Variants in LRRC53 observed in about 807,000 individuals in gnomAD.
The protein encoded by LRRC53 is leucine rich repeat containing 53.
Under a neutral mutation model 13.6 loss-of-function variants are expected in LRRC53, and 25 were observed. That is an observed-to-expected ratio of 1.83 (90% CI 1.34 to 2.56). The LOEUF (loss-of-function observed/expected upper bound fraction) is 2.56, where lower values mean the gene tolerates loss of function less well. Among genes scored for constraint, LRRC53 ranks in the 30% most tolerant of loss-of-function variants. LRRC53 has a pLI of 0.00. For missense variants in LRRC53, 527 were observed against 275.8 expected, an observed-to-expected ratio of 1.91 and a Z score of -6.45; for synonymous variants, 204 against 109.8, an observed-to-expected ratio of 1.86 and a Z score of -5.37.
At chr1:74,487,295 C>G (rs76668425) in intron 1 of LRRC53, among the ~76,000 whole-genome samples, 1 of 152,082 alleles carries the variant, frequency 6.6e-6, no homozygotes, top group East Asian at 1.9e-4. Context: ...TCCACAGAAA[C>G]AAAAGTGAGG....
At chr1:74,498,225 A>G (rs1669433536) in intron 1 of LRRC53, among the ~76,000 whole-genome samples, 1 of 152,222 alleles carries the variant, frequency 6.6e-6, no homozygotes, top group Non-Finnish European at 1.5e-5. Flanking sequence ...CTATCACTGT[A>G]TCTTAACAGT....
intron 1 of LRRC53, among the ~76,000 whole-genome samples, chr1:74,511,976 G>A (rs1415637241): frequency 2.6e-5 from 4 of 152,172 alleles, no homozygotes; most frequent in Non-Finnish European, 5.9e-5. Context: ...AGAACATGGA[G>A]TCAAGTAAGT....
At chr1:74,489,900 G>C (rs749636711) in intron 1 of LRRC53, among the ~76,000 whole-genome samples, 6 of 151,946 alleles carry the variant, frequency 3.9e-5, no homozygotes, top group Non-Finnish European at 8.8e-5. Flanking sequence ...AAGTGTTACT[G>C]GTGGAGGAAG....
chr1:74,527,299 C>G, the LRRC53 span, among the ~76,000 whole-genome samples: 1 of 152,106 alleles, frequency 6.6e-6, no homozygotes. Flanking sequence ...TCAGAGTAAA[C>G]AGACAAAGAT....
chr1:74,500,027 G>A (rs901532815), intron 1 of LRRC53, among the ~76,000 whole-genome samples: 12 of 150,936 alleles, frequency 8.0e-5, no homozygotes, highest in Non-Finnish European at 1.5e-4. Flanking sequence ...CTATTCTTTG[G>A]TGAGTACCCC....
intron 3 of LRRC53, among the ~76,000 whole-genome samples, chr1:74,478,291 C>T (rs1235402503): frequency 6.6e-6 from 1 of 152,070 alleles, no homozygotes; most frequent in East Asian, 1.9e-4. Context: ...ATAATTCACA[C>T]CAAAACTTAA....
chr1:74,535,341 C>T, the LRRC53 span, among the ~76,000 whole-genome samples: 1 of 152,052 alleles, frequency 6.6e-6, no homozygotes, highest in Non-Finnish European at 1.5e-5. Flanking sequence ...CATGGTGGCA[C>T]ATGCCTGTAA....
At chr1:74,478,507 A>G (rs1403655129) in intron 3 of LRRC53, among the ~76,000 whole-genome samples, 2 of 152,214 alleles carry the variant, frequency 1.3e-5, no homozygotes, top group South Asian at 4.1e-4. Context: ...AAATTGCTCT[A>G]TTATAATATT....
chr1:74,510,367 G>A (rs926169196), intron 1 of LRRC53, among the ~76,000 whole-genome samples: 1 of 152,064 alleles, frequency 6.6e-6, no homozygotes, highest in Non-Finnish European at 1.5e-5. Flanking sequence ...TATTAGCCGG[G>A]CATGGTGCCT....
chr1:74,490,493 A>ATAGG (rs1359061175), intron 1 of LRRC53, among the ~76,000 whole-genome samples: 1 of 152,226 alleles, frequency 6.6e-6, no homozygotes, highest in East Asian at 1.9e-4. Flanking sequence ...TACAAACATG[A>ATAGG]TAGGATCTAC....
intron 3 of LRRC53, among the ~76,000 whole-genome samples, chr1:74,476,190 C>G (rs1196328638): frequency 3.3e-5 from 5 of 152,150 alleles, no homozygotes; most frequent in Non-Finnish European, 7.3e-5. Flanking sequence ...TAATCTCAGA[C>G]TGCCTGGTAC....
Position 74,483,373 on chromosome 1 carries a change from C to A in LRRC53, c.-24G>T, listed in dbSNP as rs1263248520. ...ATGATGGCAAAGAGTACCAGCCATC[C>A]ACCTGAAAGGAAAGTAGAGGGCAAT... On this transcript the variant is annotated splice_region_variant and 5_prime_UTR_variant, in exon 2 of 5. Transcript: ENST00000294635. The A allele has an allele frequency of 2.8e-6, 2 of 717,116 alleles. No homozygotes were observed. The highest frequency in any genetic ancestry group is 2.3e-4 in the Middle Eastern group (1 of 4,368). 44.4% of individuals were successfully genotyped at this position (717,116 alleles called of 1,614,324 possible). A position where few individuals can be genotyped will look rare whatever the true frequency, so the allele number is the denominator to read the frequency against.
the LRRC53 span, among the ~76,000 whole-genome samples, chr1:74,517,767 G>C: frequency 6.6e-6 from 1 of 152,136 alleles, no homozygotes; most frequent in Non-Finnish European, 1.5e-5. Flanking sequence ...CAATCACAAA[G>C]CCAGTGGCTC....
intron 2 of LRRC53, 148 bp downstream of exon 2, chr1:74,483,114 C>A (rs914219306): frequency 4.3e-6 from 2 of 463,784 alleles, no homozygotes; most frequent in African/African-American, 2.0e-5. Context: ...TAAAATATTG[C>A]CAGTCTCTTT....
Position 74,471,634 on chromosome 1 carries a change from C to A in LRRC53, c.1988G>T (p.Arg663Leu). 2.5e-6 allele frequency: 1 copy of A among 400,574 alleles called. No homozygotes were observed. Among genetic ancestry groups the A allele is most frequent in the South Asian group, 1.3e-4 (1 of 7,914 alleles). 24.8% of individuals were successfully genotyped at this position (400,574 alleles called of 1,614,324 possible). A position where few individuals can be genotyped will look rare whatever the true frequency, so the allele number is the denominator to read the frequency against. Residue 663 changes from arginine (R) to leucine (L), a missense_variant, in exon 5 of 5, where the codon CGA becomes CTA. Arg to Leu is a moderately radical substitution (Grantham distance 102). Coordinates refer to ENST00000294635, the MANE Select transcript of LRRC53 (RefSeq NM_001382280.1). Reference protein sequence around the residue: ...MSPKISTPWKRQKNQSNQLTK... With the variant: ...MSPKISTPWKLQKNQSNQLTK... ...CAGTTGGTTACTTTGATTTTTCTGT[C>A]GTTTCCAAGGGGTTGATATTTTGGG...
At chr1:74,498,258 T>A (rs904954133) in intron 1 of LRRC53, among the ~76,000 whole-genome samples, 3 of 152,290 alleles carry the variant, frequency 2.0e-5, no homozygotes, top group Non-Finnish European at 4.4e-5. Context: ...GACATCCCCC[T>A]TATCTTGTCA....
intron 1 of LRRC53, among the ~76,000 whole-genome samples, chr1:74,503,631 C>T (rs1327635956): frequency 6.6e-6 from 1 of 152,096 alleles, no homozygotes; most frequent in Non-Finnish European, 1.5e-5. Flanking sequence ...ATTTTTATGA[C>T]ATGCACTTCC....
At position 74,480,701 on chromosome 1, in the gene LRRC53, A is replaced by G; in HGVS notation, c.356T>C (p.Leu119Pro). Residue 119 changes from leucine (L) to proline (P), a missense_variant, in exon 3 of 5, where the codon CTC becomes CCC. Physicochemically the swap from Leu to Pro is moderately conservative, Grantham distance 98. Coordinates refer to ENST00000294635, the MANE Select transcript of LRRC53 (RefSeq NM_001382280.1). Reference protein sequence around the residue: ...LQVLVLSNNALRTLRGSWFRN... With the variant: ...LQVLVLSNNAPRTLRGSWFRN... ...GAACCAAGACCCTCGTAGGGTGCGG[A>G]GAGCATTATTGCTCAGCACCAGTAC... 1 of 717,420 alleles carries G rather than the reference A, an allele frequency of 1.4e-6. No individual in the cohort carries two copies. Among genetic ancestry groups the G allele is most frequent in the Non-Finnish European group, 2.6e-6 (1 of 385,096 alleles). The allele number at this position is 717,420 out of a possible 1,614,324, so 44.4% of individuals were successfully genotyped here.
Position 74,472,054 on chromosome 1 carries a change from T to A in LRRC53, c.1568A>T (p.His523Leu), listed in dbSNP as rs770407500. The A allele has an allele frequency of 7.0e-6, 5 of 712,454 alleles. No homozygotes were observed. The East Asian group carries it at 8.1e-5, about 11-fold the overall frequency. The allele number at this position is 712,454 out of a possible 1,614,324, so 44.1% of individuals were successfully genotyped here. Residue 523 changes from histidine to leucine, a missense_variant, in exon 5 of 5, where the codon CAT becomes CTT. His to Leu is a moderately conservative substitution (Grantham distance 99, BLOSUM62 -3). Coordinates refer to ENST00000294635, the MANE Select transcript of LRRC53 (RefSeq NM_001382280.1). ...CTTGGATGATGAGCTTGTAATAAAA[T>A]GTCTTTGCCTATGAGGGTGTAAGCC... is the stretch of plus-strand genomic sequence containing the variant. The part of the protein sequence containing the change: ...DNGLHPHRQR[H>L]FITSSSSKPC...
Sources: gnomAD v4.1 joint callset for allele counts (sites outside exome capture counted in the v4.1 genomes callset) on GRCh38, gnomAD v4.1.1 for gene constraint, MANE v1.5 for transcripts, NCBI Gene and HGNC (gene_info 2026-07-23, HGNC 2026-07-21) for gene names.